Variants in FSTL4 observed in about 807,000 individuals in gnomAD.
FSTL4 encodes the protein follistatin like 4.
Under a neutral mutation model 78.2 loss-of-function variants are expected in FSTL4, and 28 were observed. The observed-to-expected ratio is 0.36, with a 90% confidence interval of 0.27 to 0.49. The LOEUF is 0.49. Among genes scored for constraint, FSTL4 ranks in the 20% least tolerant of loss-of-function variants. The pLI is 0.98. For synonymous variants in FSTL4, 422 were observed against 440.5 expected, an observed-to-expected ratio of 0.96 and a Z score of 0.53; for missense variants, 922 against 1,084.9, an observed-to-expected ratio of 0.85 and a Z score of 2.11.
chr5:133,345,118 C>T (rs1754669992), intron 4 of FSTL4, among the ~76,000 whole-genome samples: 1 of 152,044 alleles, frequency 6.6e-6, no homozygotes, highest in South Asian at 2.1e-4. Flanking sequence ...ACAGGGCCCC[C>T]ACTTTTTAAA....
chr5:133,657,880 T>G, the FSTL4 span, among the ~76,000 whole-genome samples: 1 of 151,450 alleles, frequency 6.6e-6, no homozygotes. Context: ...TCCTCCTTCA[T>G]AAATAATGCT....
chr5:133,306,949 T>A (rs1348068320), intron 6 of FSTL4, among the ~76,000 whole-genome samples: 3 of 152,212 alleles, frequency 2.0e-5, no homozygotes, highest in Non-Finnish European at 4.4e-5. Flanking sequence ...TTGACCTGGT[T>A]AATGTTTGCC....
At chr5:133,499,988 C>T (rs556246741) in intron 3 of FSTL4, among the ~76,000 whole-genome samples, 16 of 152,144 alleles carry the variant, frequency 1.1e-4, no homozygotes. Flanking sequence ...CTTTTTATCA[C>T]CTCTCATGGG....
intron 2 of FSTL4, chr5:133,583,586 G>T (rs1235209200): frequency 8.1e-6 from 1 of 123,946 alleles, no homozygotes; most frequent in Non-Finnish European, 1.6e-5. Context: ...GCGCTTTTCA[G>T]ACCGGCTTAA....
chr5:133,299,702 C>T (rs2126876460), intron 6 of FSTL4, among the ~76,000 whole-genome samples: 1 of 152,322 alleles, frequency 6.6e-6, no homozygotes, highest in East Asian at 1.9e-4. Context: ...GAAGCCAGAG[C>T]TCCCTGAAAG....
At chr5:133,633,247 C>A in the FSTL4 span, among the ~76,000 whole-genome samples, 2 of 152,096 alleles carry the variant, frequency 1.3e-5, no homozygotes, top group Admixed American at 1.3e-4. Flanking sequence ...CCCTCTTTCT[C>A]CCTTCCTTCC....
At chr5:133,823,938 T>C in the FSTL4 span, among the ~76,000 whole-genome samples, 1 of 152,244 alleles carries the variant, frequency 6.6e-6, no homozygotes, top group Non-Finnish European at 1.5e-5. Flanking sequence ...TTTTAAAGAA[T>C]GTTGCTGCTA....
At chr5:133,336,619 C>T (rs1417202231) in intron 4 of FSTL4, among the ~76,000 whole-genome samples, 1 of 152,206 alleles carries the variant, frequency 6.6e-6, no homozygotes, top group Non-Finnish European at 1.5e-5. Context: ...GATGAAGTCA[C>T]TGCCTAGACT....
chr5:133,754,516 T>C, the FSTL4 span, among the ~76,000 whole-genome samples: 1 of 152,244 alleles, frequency 6.6e-6, no homozygotes, highest in Non-Finnish European at 1.5e-5. Flanking sequence ...CCTCCCTGTA[T>C]AGTTTACACA....
At chr5:133,309,724 T>C (rs1400054788) in intron 6 of FSTL4, among the ~76,000 whole-genome samples, 1 of 152,184 alleles carries the variant, frequency 6.6e-6, no homozygotes, top group Non-Finnish European at 1.5e-5. Context: ...CTTCTCTGGG[T>C]ACAACAGCCC....
Position 133,220,643 on chromosome 5 carries a change from T to C in FSTL4, c.1458+105A>G, listed in dbSNP as rs77488326. The C allele has an allele frequency of 8.6e-3, 6,411 of 745,944 alleles. 52 individuals carry two copies. Among genetic ancestry groups the C allele is most frequent in the Non-Finnish European group, 0.012 (4,977 of 411,234 alleles). The allele number at this position is 745,944 out of a possible 1,614,324, so 46.2% of individuals were successfully genotyped here. ...AAAAAATTTGGAACCACACCACATA[T>C]AGCAAATGGAATTTTAGAAATCAAA... On this transcript the variant is annotated intron_variant, in intron 12 of 15. Coordinates refer to ENST00000265342, the MANE Select transcript of FSTL4 (RefSeq NM_015082.2).
rs1043780578 is a variant in FSTL4 at position 133,382,948 on chromosome 5, G to C, written c.409+17790C>G. ...AGAGACAGGGAGAGAGAGAGAAGGG[G>C]GGTGGGAGAAGGAGGAACAGAGCGT... On this transcript the variant is annotated intron_variant, in intron 4 of 15. Coordinates refer to ENST00000265342, the MANE Select transcript of FSTL4 (RefSeq NM_015082.2). Among the ~76,000 whole-genome samples the C allele has an allele frequency of 7.9e-5, 12 of 152,122 alleles. No homozygotes were observed. The East Asian group carries it at 2.3e-3, about 29-fold the overall frequency.
At chr5:133,517,272 A>C (rs1408691781) in intron 3 of FSTL4, among the ~76,000 whole-genome samples, 3 of 149,494 alleles carry the variant, frequency 2.0e-5, no homozygotes, top group Non-Finnish European at 4.4e-5. Flanking sequence ...AAAATACAAA[A>C]ATTAGCTGAG....
intron 4 of FSTL4, among the ~76,000 whole-genome samples, chr5:133,375,908 T>C (rs1454439005): frequency 6.6e-6 from 1 of 152,214 alleles, no homozygotes; most frequent in Non-Finnish European, 1.5e-5. Flanking sequence ...ACTGCTTGCA[T>C]CAGTTGATAT....
intron 2 of FSTL4, among the ~76,000 whole-genome samples, chr5:133,577,506 G>T (rs1348193154): frequency 6.6e-6 from 1 of 152,192 alleles, no homozygotes; most frequent in African/African-American, 2.4e-5. Context: ...ACCTTTAGGG[G>T]CTTAGATAGC....
At chr5:133,668,271 G>A in the FSTL4 span, among the ~76,000 whole-genome samples, 5 of 152,298 alleles carry the variant, frequency 3.3e-5, no homozygotes, top group Non-Finnish European at 7.4e-5. Context: ...ATCCTGCAGG[G>A]AAAACAGAGC....
At chr5:133,775,648 G>T in the FSTL4 span, among the ~76,000 whole-genome samples, 1 of 152,182 alleles carries the variant, frequency 6.6e-6, no homozygotes, top group Non-Finnish European at 1.5e-5. Flanking sequence ...AGGCCCAGAA[G>T]GTGGAAGAGT....
intron 6 of FSTL4, among the ~76,000 whole-genome samples, chr5:133,309,759 C>T (rs935801015): frequency 7.2e-5 from 11 of 152,164 alleles, no homozygotes; most frequent in South Asian, 2.1e-4. Context: ...TTTAGTAAAG[C>T]GATTGACTCC....
chr5:133,235,313 C>A (rs987989137), intron 7 of FSTL4, among the ~76,000 whole-genome samples: 10 of 152,012 alleles, frequency 6.6e-5, no homozygotes, highest in African/African-American at 2.2e-4. Context: ...AACCCTGTCT[C>A]TACTAAAAAT....
Sources: allele counts gnomAD v4.1 joint callset (sites outside exome capture counted in the v4.1 genomes callset), GRCh38; gene constraint gnomAD v4.1.1; transcripts MANE v1.5; gene names NCBI Gene and HGNC (gene_info 2026-07-23, HGNC 2026-07-21).